SH3RF3: variants seen among roughly 807,000 people sequenced by gnomAD.
The protein encoded by SH3RF3 is SH3 domain containing ring finger 3, also known as E3 ubiquitin-protein ligase SH3RF3.
A neutral mutation model predicts 66.3 loss-of-function variants in SH3RF3; 29 were observed. The observed-to-expected ratio is 0.44, with a 90% CI of 0.33 to 0.60. SH3RF3 has a LOEUF of 0.60. SH3RF3 is among the 20% of genes least tolerant of loss of function. SH3RF3 has a pLI of 0.04. For missense variants in SH3RF3, 1,194 were observed against 1,190.9 expected (o/e 1.00, Z -0.04); for synonymous variants, 583 against 532.0 (o/e 1.10, Z -1.32).
At chr2:109,495,442 C>T (rs1257559661) in intron 9 of SH3RF3, among the ~76,000 whole-genome samples, 2 of 150,488 alleles carry the variant, frequency 1.3e-5, no homozygotes, top group African/African-American at 4.9e-5. Context: ...CTCTGGGCCA[C>T]CTACCGGCCA....
intron 8 of SH3RF3, among the ~76,000 whole-genome samples, chr2:109,460,675 T>C (rs1263263281): frequency 6.6e-6 from 1 of 152,098 alleles, no homozygotes; most frequent in African/African-American, 2.4e-5. Flanking sequence ...TGTTTTCCCA[T>C]TGAAAGAGGT....
chr2:109,467,666 A>G (rs1426248821), intron 8 of SH3RF3, among the ~76,000 whole-genome samples: 1 of 152,264 alleles, frequency 6.6e-6, no homozygotes, highest in Non-Finnish European at 1.5e-5. Flanking sequence ...TTGTGAGTAT[A>G]TAGATTTTAG....
rs576511700 is a variant in SH3RF3, at chr2:109,266,493, G to T, written c.574-81181G>T. Among the ~76,000 whole-genome samples the T allele has an allele frequency of 3.3e-5, 5 of 152,192 alleles. No individual in the cohort carries two copies. In the South Asian group the frequency reaches 1.0e-3, roughly 32 times the overall value. On this transcript the variant is annotated intron_variant, in intron 1 of 9. Coordinates refer to ENST00000309415, the MANE Select transcript of SH3RF3 (RefSeq NM_001099289.3). ...GGTCCCAGAACGGTATCCTTAATCT[G>T]CCCCTTCACTGCCTTCAACTCTCAT... is the stretch of plus-strand genomic sequence containing the variant.
intron 1 of SH3RF3, among the ~76,000 whole-genome samples, chr2:109,318,027 G>A (rs1681927542): frequency 6.6e-6 from 1 of 151,656 alleles, no homozygotes; most frequent in African/African-American, 2.4e-5. Context: ...AAAAAGCAAA[G>A]GGCAGGGAGG....
At chr2:109,248,774 C>A (rs1401800243) in intron 1 of SH3RF3, among the ~76,000 whole-genome samples, 5 of 149,102 alleles carry the variant, frequency 3.4e-5, no homozygotes, top group Non-Finnish European at 3.0e-5. Context: ...CTCTCTTTCT[C>A]TTCTTTCTGT....
intron 8 of SH3RF3, among the ~76,000 whole-genome samples, chr2:109,475,685 T>C (rs1378053602): frequency 6.6e-6 from 1 of 152,242 alleles, no homozygotes; most frequent in Non-Finnish European, 1.5e-5. Context: ...TTCTACTTTG[T>C]GGATGCCAGT....
At chr2:109,249,532 T>TTTCTTTCTTTTTCTTTCTTTCTTTCC (rs1680019798) in intron 1 of SH3RF3, among the ~76,000 whole-genome samples, 46 of 96,484 alleles carry the variant, frequency 4.8e-4, no homozygotes, top group African/African-American at 4.1e-4. Flanking sequence ...TCTTTCTTTC[T>TTTCTTTCTTTTTCTTTCTTTCTTTCC]TTCCTTCCTT....
intron 4 of SH3RF3, among the ~76,000 whole-genome samples, chr2:109,412,374 G>A (rs536663378): frequency 2.6e-5 from 4 of 152,380 alleles, no homozygotes; most frequent in East Asian, 1.9e-4. Flanking sequence ...TGGCCCCAGC[G>A]TGGCTCTGGC....
chr2:109,404,203 A>C (rs1676388916), intron 4 of SH3RF3, among the ~76,000 whole-genome samples: 1 of 152,188 alleles, frequency 6.6e-6, no homozygotes, highest in Non-Finnish European at 1.5e-5. Context: ...AAAGTGTCAG[A>C]GACTGACACC....
chr2:109,226,363 G>C (rs868162232), intron 1 of SH3RF3, among the ~76,000 whole-genome samples: 1 of 152,146 alleles, frequency 6.6e-6, no homozygotes, highest in East Asian at 1.9e-4. Flanking sequence ...ACTCAGGAAG[G>C]TCAGCTGTTT....
intron 4 of SH3RF3, among the ~76,000 whole-genome samples, chr2:109,419,218 A>G (rs1273915923): frequency 6.6e-6 from 1 of 152,202 alleles, no homozygotes; most frequent in Non-Finnish European, 1.5e-5. Context: ...AAACACAATA[A>G]TAATTAATTC....
At chr2:109,147,610 A>AT (rs1677130758) in intron 1 of SH3RF3, among the ~76,000 whole-genome samples, 1 of 152,246 alleles carries the variant, frequency 6.6e-6, no homozygotes, top group Middle Eastern at 3.2e-3. Context: ...TCAAGGTCTC[A>AT]TAGCGTGTTA....
intron 3 of SH3RF3, among the ~76,000 whole-genome samples, chr2:109,376,597 AC>A (rs1292036384): frequency 6.6e-6 from 1 of 152,242 alleles, no homozygotes; most frequent in Non-Finnish European, 1.5e-5. Flanking sequence ...CACATTGACA[AC>A]ATCGGTTGTC....
chr2:109,415,318 T>C (rs1006353207), intron 4 of SH3RF3, among the ~76,000 whole-genome samples: 2 of 152,216 alleles, frequency 1.3e-5, no homozygotes, highest in African/African-American at 4.8e-5. Context: ...GCACGTGGCC[T>C]GAGTTCAAAA....
At chr2:109,470,962 G>A (rs1168881294) in intron 8 of SH3RF3, among the ~76,000 whole-genome samples, 5 of 152,198 alleles carry the variant, frequency 3.3e-5, no homozygotes, top group Admixed American at 2.0e-4. Context: ...GCTCACGCCT[G>A]TAATCCCAGC....
chr2:109,205,966 A>C (rs1175032151), intron 1 of SH3RF3, among the ~76,000 whole-genome samples: 1 of 152,188 alleles, frequency 6.6e-6, no homozygotes, highest in Admixed American at 6.5e-5. Flanking sequence ...TAACATTGAG[A>C]TTTACCATGT....
At chr2:109,252,261 A>G (rs1401568695) in intron 1 of SH3RF3, among the ~76,000 whole-genome samples, 1 of 151,834 alleles carries the variant, frequency 6.6e-6, no homozygotes, top group Non-Finnish European at 1.5e-5. Context: ...GGAGAAAAAA[A>G]AAAAAAACTT....
intron 9 of SH3RF3, among the ~76,000 whole-genome samples, chr2:109,496,672 C>T (rs913545382): frequency 2.0e-5 from 3 of 152,166 alleles, no homozygotes; most frequent in African/African-American, 7.2e-5. Flanking sequence ...AGGATTTCAG[C>T]GTTCCTTGAT....
At chr2:109,180,346 T>A (rs1678046955) in intron 1 of SH3RF3, among the ~76,000 whole-genome samples, 1 of 152,162 alleles carries the variant, frequency 6.6e-6, no homozygotes, top group South Asian at 2.1e-4. Flanking sequence ...CCTGATTCCA[T>A]TTCCCAAAAG....
Sources: gnomAD v4.1 joint callset for allele counts (sites outside exome capture counted in the v4.1 genomes callset) on GRCh38, gnomAD v4.1.1 for gene constraint, MANE v1.5 for transcripts, NCBI Gene and HGNC (gene_info 2026-07-23, HGNC 2026-07-21) for gene names.